ARHGAP26: variants seen among roughly 807,000 people sequenced by gnomAD.
ARHGAP26 encodes the protein Rho GTPase activating protein 26.
In ARHGAP26, 38 loss-of-function variants were observed where a neutral mutation model predicts 104.8. The ratio of observed to expected loss-of-function variants is 0.36; its 90% CI spans 0.28 to 0.48. The LOEUF (loss-of-function observed/expected upper bound fraction) is 0.48. Among genes scored for constraint, ARHGAP26 ranks in the 20% least tolerant of loss-of-function variants. ARHGAP26 has a pLI of 0.99. For missense variants in ARHGAP26, 704 were observed against 947.9 expected, an observed-to-expected ratio of 0.74 and a Z score of 3.38; for synonymous variants, 341 against 340.0, an observed-to-expected ratio of 1.00 and a Z score of -0.03.
chr5:143,056,779 C>T (rs895519827), intron 16 of ARHGAP26, among the ~76,000 whole-genome samples: 4 of 152,124 alleles, frequency 2.6e-5, no homozygotes, highest in African/African-American at 7.2e-5. Context: ...GTGTCTCTCC[C>T]GGGTTCCTTT....
chr5:142,967,683 G>A (rs888834370), intron 11 of ARHGAP26, among the ~76,000 whole-genome samples: 17 of 152,308 alleles, frequency 1.1e-4, no homozygotes, highest in Middle Eastern at 3.4e-3. Flanking sequence ...AATAAGGTAA[G>A]ATAGGTGGGA....
At chr5:143,174,970 A>T (rs1420289454) in intron 20 of ARHGAP26, among the ~76,000 whole-genome samples, 2 of 152,226 alleles carry the variant, frequency 1.3e-5, no homozygotes, top group Admixed American at 6.5e-5. Flanking sequence ...CTTAAGTGTA[A>T]ATCTGTGATT....
intron 20 of ARHGAP26, among the ~76,000 whole-genome samples, chr5:143,166,428 T>C (rs1801951710): frequency 6.6e-6 from 1 of 152,120 alleles, no homozygotes; most frequent in Non-Finnish European, 1.5e-5. Flanking sequence ...GTGGAGTGGC[T>C]CTTTTGGCTC....
chr5:143,044,126 A>T (rs1259911176), intron 14 of ARHGAP26, among the ~76,000 whole-genome samples: 2 of 152,154 alleles, frequency 1.3e-5, no homozygotes, highest in East Asian at 3.8e-4. Flanking sequence ...CAATAGTGGG[A>T]TTATATCCAT....
At chr5:142,973,118 G>T (rs1034024644) in intron 11 of ARHGAP26, among the ~76,000 whole-genome samples, 2 of 152,138 alleles carry the variant, frequency 1.3e-5, no homozygotes, top group Non-Finnish European at 2.9e-5. Flanking sequence ...GATGAAAATG[G>T]ACCCTGACAG....
At chr5:143,081,602 T>C (rs375155146) in intron 17 of ARHGAP26, among the ~76,000 whole-genome samples, 33 of 152,184 alleles carry the variant, frequency 2.2e-4, no homozygotes, top group African/African-American at 7.7e-4. Flanking sequence ...AAAACAGAGG[T>C]GTCCTTGTTT....
intron 11 of ARHGAP26, among the ~76,000 whole-genome samples, chr5:142,999,544 T>A (rs1598562887): frequency 6.6e-6 from 1 of 152,124 alleles, no homozygotes. Flanking sequence ...CAGAAGCACC[T>A]CTAAATAATG....
intron 11 of ARHGAP26, among the ~76,000 whole-genome samples, chr5:142,982,624 G>A (rs936005852): frequency 3.3e-5 from 5 of 152,308 alleles, no homozygotes; most frequent in East Asian, 1.9e-4. Flanking sequence ...TTCCAGCCTC[G>A]CTATTTTATC....
At chr5:142,941,482 A>G (rs1766346318) in intron 11 of ARHGAP26, among the ~76,000 whole-genome samples, 1 of 152,184 alleles carries the variant, frequency 6.6e-6, no homozygotes, top group East Asian at 1.9e-4. Flanking sequence ...CCTGATGGCT[A>G]GGAAATTACA....
At chr5:142,903,471 T>G in intron 7 of ARHGAP26, 69 bp from the exon 8 acceptor site, 1 of 1,519,316 alleles carries the variant, frequency 6.6e-7, no homozygotes, top group Non-Finnish European at 9.0e-7. Flanking sequence ...AGGATTCTAT[T>G]AGGTTGATCT....
chr5:142,778,082 G>C (rs995943045), intron 1 of ARHGAP26, among the ~76,000 whole-genome samples: 1 of 152,184 alleles, frequency 6.6e-6, no homozygotes, highest in Admixed American at 6.5e-5. Flanking sequence ...GTGGTCAGAG[G>C]CTGGGTATTT....
intron 1 of ARHGAP26, among the ~76,000 whole-genome samples, chr5:142,812,495 GC>G (rs1348359254): frequency 6.6e-6 from 1 of 151,978 alleles, no homozygotes; most frequent in African/African-American, 2.4e-5. Context: ...GCGCCACCAT[GC>G]CCGGCTAATT....
At chr5:142,840,321 AG>A (rs1479309578) in intron 1 of ARHGAP26, among the ~76,000 whole-genome samples, 1 of 152,192 alleles carries the variant, frequency 6.6e-6, no homozygotes, top group Non-Finnish European at 1.5e-5. Context: ...TGTCTGGCAA[AG>A]CCTTACCTCA....
chr5:142,939,662 T>G (rs539091882), intron 11 of ARHGAP26, among the ~76,000 whole-genome samples: 9 of 152,300 alleles, frequency 5.9e-5, no homozygotes, highest in African/African-American at 2.2e-4. Flanking sequence ...AAGCAGAATG[T>G]TATGGTGGTT....
chr5:143,076,910 TA>T (rs10711586), intron 17 of ARHGAP26, among the ~76,000 whole-genome samples: 111,818 of 151,766 alleles, frequency 0.74, 41,551 homozygotes, highest in African/African-American at 0.79. Context: ...GAGTTGTTTC[TA>T]AAGTTTTTAA....
chr5:142,817,759 GT>G (rs1199224000), intron 1 of ARHGAP26, among the ~76,000 whole-genome samples: 2 of 152,200 alleles, frequency 1.3e-5, no homozygotes, highest in African/African-American at 2.4e-5. Flanking sequence ...AAATTGCACT[GT>G]TTGCCCCTGC....
chr5:143,116,022 G>GA (rs5871836), intron 17 of ARHGAP26, among the ~76,000 whole-genome samples: 152,299 of 152,300 alleles, frequency 1, 76,149 homozygotes, highest in Non-Finnish European at 1. Context: ...GATGGGAATA[G>GA]AAATATCAGA....
At chr5:142,975,792 G>C (rs1772989836) in intron 11 of ARHGAP26, among the ~76,000 whole-genome samples, 1 of 152,156 alleles carries the variant, frequency 6.6e-6, no homozygotes, top group Admixed American at 6.5e-5. Context: ...TTTGTGTCCT[G>C]GGTTGCCTGG....
intron 11 of ARHGAP26, chr5:142,947,236 G>A (rs1278463118): frequency 6.6e-6 from 1 of 151,896 alleles, no homozygotes; most frequent in East Asian, 1.9e-4. Context: ...TCTAAAGAGA[G>A]CTTTATCTCA....
Sources: gnomAD v4.1 joint callset for allele counts (sites outside exome capture counted in the v4.1 genomes callset) on GRCh38, gnomAD v4.1.1 for gene constraint, MANE v1.5 for transcripts, NCBI Gene and HGNC (gene_info 2026-07-23, HGNC 2026-07-21) for gene names.